Variants in ZNF804A observed in about 807,000 individuals in gnomAD.
ZNF804A encodes zinc finger protein 804A.
In ZNF804A, 2 loss-of-function variants were observed where a neutral mutation model predicts 16.5. That is an observed-to-expected ratio of 0.12 (90% CI 0.05 to 0.38). ZNF804A has a LOEUF of 0.38. ZNF804A is among the 10% of genes least tolerant of loss of function. The probability of loss-of-function intolerance (pLI) is 0.99; values close to 1 mark genes in which losing one functional copy is unlikely to be tolerated. For synonymous variants in ZNF804A, 534 were observed against 489.6 expected, an observed-to-expected ratio of 1.09 and a Z score of -1.20; for missense variants, 1,473 against 1,390.7, an observed-to-expected ratio of 1.06 and a Z score of -0.94.
chr2:184,920,756 G>A (rs548193371), intron 2 of ZNF804A, among the ~76,000 whole-genome samples: 2 of 152,194 alleles, frequency 1.3e-5, no homozygotes, highest in African/African-American at 2.4e-5. Context: ...GCCTCTAGTT[G>A]CTTGGAATGG....
At chr2:184,706,143 T>C (rs2105734068) in intron 1 of ZNF804A, among the ~76,000 whole-genome samples, 1 of 152,290 alleles carries the variant, frequency 6.6e-6, no homozygotes, top group Non-Finnish European at 1.5e-5. Flanking sequence ...TCCTTCCAAG[T>C]CCCTGACCAT....
intron 1 of ZNF804A, among the ~76,000 whole-genome samples, chr2:184,741,800 G>A (rs1029995663): frequency 6.6e-6 from 1 of 151,930 alleles, no homozygotes; most frequent in Admixed American, 6.6e-5. Context: ...AGTTATCATA[G>A]GCTTTCCATT....
chr2:184,686,775 C>T (rs1692642389), intron 1 of ZNF804A, among the ~76,000 whole-genome samples: 1 of 152,152 alleles, frequency 6.6e-6, no homozygotes, highest in Non-Finnish European at 1.5e-5. Context: ...TTTTGATTTG[C>T]ACTTCTCTGG....
intron 1 of ZNF804A, among the ~76,000 whole-genome samples, chr2:184,658,386 T>C (rs913931358): frequency 6.6e-6 from 1 of 152,138 alleles, no homozygotes; most frequent in African/African-American, 2.4e-5. Flanking sequence ...GCCAGGAGAA[T>C]TGCTTGAAAC....
At position 184,938,723 on chromosome 2, in the gene ZNF804A, TGCTGCAGCTGCAGCTGCAGCC is replaced by T. The variant is rs1457270775; in HGVS notation, c.3330_3350del (p.Ala1113_Ala1119del). 11 of 1,607,842 alleles carry T rather than the reference TGCTGCAGCTGCAGCTGCAGCC, an allele frequency of 6.8e-6. No individual in the cohort carries two copies. The highest frequency in any genetic ancestry group is 3.3e-5 in the South Asian group (3 of 90,930). The stretch of plus-strand genomic sequence containing the variant: ...CTGTTTTGCAGCAGCACGCTGCAGC[TGCTGCAGCTGCAGCTGCAGCC>T]GCAGCTGCAGGAACCTTTAAAGTGC... On this transcript the variant is annotated inframe_deletion, in exon 4 of 4. Transcript: ENST00000302277.
chr2:184,896,494 T>G (rs1685072028), intron 2 of ZNF804A, among the ~76,000 whole-genome samples: 1 of 152,084 alleles, frequency 6.6e-6, no homozygotes, highest in African/African-American at 2.4e-5. Flanking sequence ...TGCCAAAAAT[T>G]TTCTGTAAAT....
chr2:184,716,857 G>C (rs1693223005), intron 1 of ZNF804A, among the ~76,000 whole-genome samples: 1 of 152,148 alleles, frequency 6.6e-6, no homozygotes. Context: ...AGTGTGAATG[G>C]AGAGAAGAAA....
At chr2:184,750,762 T>A (rs993992808) in intron 1 of ZNF804A, among the ~76,000 whole-genome samples, 57 of 151,394 alleles carry the variant, frequency 3.8e-4, no homozygotes, top group African/African-American at 1.4e-3. Flanking sequence ...TGCTATATAG[T>A]AAACCTCTAG....
intron 1 of ZNF804A, among the ~76,000 whole-genome samples, chr2:184,708,910 A>G (rs946583480): frequency 3.3e-5 from 5 of 151,952 alleles, no homozygotes; most frequent in Non-Finnish European, 5.9e-5. Flanking sequence ...TCTTCTTACT[A>G]CTGTAGTCCC....
chr2:184,641,152 A>G (rs921996355), intron 1 of ZNF804A, among the ~76,000 whole-genome samples: 2 of 152,062 alleles, frequency 1.3e-5, no homozygotes, highest in African/African-American at 2.4e-5. Context: ...ATGGGGTTTC[A>G]CTATGTTGAC....
chr2:184,714,248 G>C (rs1200398692), intron 1 of ZNF804A, among the ~76,000 whole-genome samples: 2 of 151,926 alleles, frequency 1.3e-5, no homozygotes, highest in Non-Finnish European at 2.9e-5. Flanking sequence ...TTTGCTTTCT[G>C]TTCATCTTAC....
chr2:184,671,747 C>T (rs1692341519), intron 1 of ZNF804A, among the ~76,000 whole-genome samples: 1 of 152,180 alleles, frequency 6.6e-6, no homozygotes, highest in African/African-American at 2.4e-5. Flanking sequence ...CCACATTGGC[C>T]TCCCTTGCTT....
chr2:184,650,745 A>G (rs571314214), intron 1 of ZNF804A, among the ~76,000 whole-genome samples: 1 of 152,300 alleles, frequency 6.6e-6, no homozygotes, highest in East Asian at 1.9e-4. Context: ...ACATGTAACC[A>G]GAGTTGAAAG....
chr2:184,880,120 A>C (rs977366345), intron 2 of ZNF804A, among the ~76,000 whole-genome samples: 4 of 152,114 alleles, frequency 2.6e-5, no homozygotes, highest in African/African-American at 9.7e-5. Context: ...ATTTTCTAAG[A>C]GTGATCGACA....
intron 1 of ZNF804A, among the ~76,000 whole-genome samples, chr2:184,725,326 C>G (rs1329317696): frequency 6.6e-6 from 1 of 151,442 alleles, no homozygotes; most frequent in African/African-American, 2.4e-5. Context: ...TCTATGTTAG[C>G]CAGCATCAGT....
chr2:184,855,585 G>T (rs926769722), intron 1 of ZNF804A, among the ~76,000 whole-genome samples: 1 of 147,310 alleles, frequency 6.8e-6, no homozygotes, highest in African/African-American at 2.6e-5. Flanking sequence ...TATATATACT[G>T]TAATGTACAC....
At chr2:184,724,959 G>A (rs1693382949) in intron 1 of ZNF804A, among the ~76,000 whole-genome samples, 2 of 151,746 alleles carry the variant, frequency 1.3e-5, no homozygotes, top group Non-Finnish European at 3.0e-5. Context: ...ATGTGAAAGA[G>A]TTGCATTTCT....
At chr2:184,801,481 T>C (rs544251509) in intron 1 of ZNF804A, among the ~76,000 whole-genome samples, 2 of 152,284 alleles carry the variant, frequency 1.3e-5, no homozygotes, top group African/African-American at 4.8e-5. Flanking sequence ...CTGTTCTATT[T>C]TTGTCATTCT....
At chr2:184,754,453 T>G (rs1479274503) in intron 1 of ZNF804A, among the ~76,000 whole-genome samples, 1 of 151,918 alleles carries the variant, frequency 6.6e-6, no homozygotes, top group Non-Finnish European at 1.5e-5. Context: ...TACCTCATGC[T>G]CCTTGTCACT....
Sources: allele counts gnomAD v4.1 joint callset (sites outside exome capture counted in the v4.1 genomes callset), GRCh38; gene constraint gnomAD v4.1.1; transcripts MANE v1.5; gene names NCBI Gene and HGNC (gene_info 2026-07-23, HGNC 2026-07-21).